Variants in SLC9B1 observed in about 807,000 individuals in gnomAD.
SLC9B1 encodes solute carrier family 9 member B1.
Under a neutral mutation model 51.7 loss-of-function variants are expected in SLC9B1, and 32 were observed. The ratio of observed to expected loss-of-function variants is 0.62; its 90% CI spans 0.47 to 0.83. The LOEUF is 0.83. SLC9B1 is among the 40% of genes least tolerant of loss of function. SLC9B1 has a pLI of 0.00. For synonymous variants in SLC9B1, 145 were observed against 212.7 expected, an observed-to-expected ratio of 0.68 and a Z score of 2.77; for missense variants, 406 against 613.2, an observed-to-expected ratio of 0.66 and a Z score of 3.57.
intron 3 of SLC9B1, among the ~76,000 whole-genome samples, chr4:102,969,603 G>T (rs149668889): frequency 6.6e-6 from 1 of 152,138 alleles, no homozygotes; most frequent in Non-Finnish European, 1.5e-5. Context: ...GGAGCTCCTC[G>T]CCAGCAATGG....
At position 102,933,707 on chromosome 4, in the gene SLC9B1, T is replaced by C. The variant is rs1206906796; in HGVS notation, c.654-1408A>G. On this transcript the variant is annotated intron_variant, in intron 6 of 11. Transcript: ENST00000296422. ...TTCTCCACAGGGCTGCCTCAGGACA[T>C]GGCAGCTGGCTTCCCCAGGAATAAG... Among the ~76,000 whole-genome samples the C allele has an allele frequency of 2.6e-5, 4 of 152,158 alleles. No individual in the cohort carries two copies. In the East Asian group the frequency reaches 5.8e-4, roughly 22 times the overall value.
intron 3 of SLC9B1, among the ~76,000 whole-genome samples, chr4:102,985,425 T>C (rs888884136): frequency 6.6e-6 from 1 of 152,242 alleles, no homozygotes; most frequent in Non-Finnish European, 1.5e-5. Context: ...TTGAGCATTT[T>C]ATATGATTCA....
rs771024975 is a variant in SLC9B1 at position 102,932,257 on chromosome 4, G to T, written c.696C>A (p.Tyr232Ter). ...ATCCATTTTCTTGCAGCACCATCAT[G>T]TAAGGGACAACAACAGCAGGAGAGA... is the stretch of plus-strand genomic sequence containing the variant. ...GAVSPAVVVP[Y>*]MMVLQENGYG... The change falls in exon 7 of 12, where the codon TAC becomes TAA. Residue 232 changes from tyrosine to a stop codon, truncating the protein, a stop_gained. Transcript: ENST00000296422. LOFTEE classifies it high-confidence loss of function. 27 of 1,611,842 alleles carry T rather than the reference G, an allele frequency of 1.7e-5. No homozygotes were observed. Among genetic ancestry groups the T allele is most frequent in the South Asian group, 2.2e-5 (2 of 90,984 alleles).
intron 6 of SLC9B1, among the ~76,000 whole-genome samples, chr4:102,943,855 T>C (rs75435679): frequency 6.6e-6 from 1 of 151,750 alleles, no homozygotes. Flanking sequence ...ATATTTTCCA[T>C]GTAAACAAAC....
chr4:102,900,340 A>G (rs1452192739), downstream of SLC9B1, among the ~76,000 whole-genome samples: 2 of 152,246 alleles, frequency 1.3e-5, no homozygotes, highest in East Asian at 1.9e-4. Flanking sequence ...AGGTAATTCT[A>G]TATTACTAAG....
chr4:103,007,654 G>C (rs996604166), intron 1 of SLC9B1, among the ~76,000 whole-genome samples: 3 of 146,512 alleles, frequency 2.0e-5, no homozygotes, highest in African/African-American at 5.1e-5. Context: ...ACCCAGGCTG[G>C]AGTGCGGTGG....
intron 1 of SLC9B1, among the ~76,000 whole-genome samples, chr4:103,011,170 CA>C (rs1315111193): frequency 3.3e-5 from 5 of 152,164 alleles, no homozygotes; most frequent in African/African-American, 1.2e-4. Context: ...ATTCCCTTTT[CA>C]AAAGGGAGGA....
Position 102,911,630 on chromosome 4 carries a change from A to C in SLC9B1, c.830-93T>G. ...GCAAATCTAGGTGGTTCATGAAGAA[A>C]AGTAAGCATTTTATAGAACAAATAT... On this transcript the variant is annotated intron_variant, in intron 7 of 11. Transcript: ENST00000296422. 1.6e-5 allele frequency: 12 copies of C among 741,196 alleles called. No homozygotes were observed. In the South Asian group the frequency reaches 2.0e-4, roughly 13 times the overall value. 45.9% of individuals were successfully genotyped at this position (741,196 alleles called of 1,614,324 possible).
chr4:102,984,166 A>C (rs1739498426), intron 3 of SLC9B1, among the ~76,000 whole-genome samples: 1 of 151,980 alleles, frequency 6.6e-6, no homozygotes, highest in South Asian at 2.1e-4. Context: ...ACCCACACTG[A>C]AATACAGTGG....
intron 1 of SLC9B1, among the ~76,000 whole-genome samples, chr4:103,005,936 A>T (rs943487674): frequency 1.3e-5 from 2 of 152,188 alleles, no homozygotes; most frequent in African/African-American, 2.4e-5. Flanking sequence ...TCTCTGAGAC[A>T]GGGCTAAAGC....
At chr4:102,910,137 T>C (rs1260687313) in intron 9 of SLC9B1, among the ~76,000 whole-genome samples, 2 of 152,110 alleles carry the variant, frequency 1.3e-5, no homozygotes, top group Non-Finnish European at 2.9e-5. Context: ...TTTTCATGGA[T>C]TAATTGTATA....
At chr4:102,970,352 G>T (rs1336237422) in intron 3 of SLC9B1, among the ~76,000 whole-genome samples, 2 of 152,160 alleles carry the variant, frequency 1.3e-5, no homozygotes, top group Admixed American at 6.6e-5. Context: ...TTAAAGAAAA[G>T]AATTTTCAAC....
At chr4:102,923,399 G>A (rs1418513332) in intron 7 of SLC9B1, among the ~76,000 whole-genome samples, 1 of 152,146 alleles carries the variant, frequency 6.6e-6, no homozygotes, top group Non-Finnish European at 1.5e-5. Flanking sequence ...ACTAGGTATT[G>A]ATGGGACGTA....
chr4:102,938,212 T>TA (rs1302892207), intron 6 of SLC9B1, among the ~76,000 whole-genome samples: 4 of 151,968 alleles, frequency 2.6e-5, no homozygotes, highest in African/African-American at 9.7e-5. Context: ...CAAAAAAGGG[T>TA]AAGCATTGTT....
chr4:102,968,577 T>C (rs1208610946), intron 3 of SLC9B1, among the ~76,000 whole-genome samples: 1 of 152,234 alleles, frequency 6.6e-6, no homozygotes, highest in African/African-American at 2.4e-5. Context: ...GATGGCCGAA[T>C]AGGAACAGCT....
chr4:102,960,531 G>T (rs1196422874), intron 3 of SLC9B1, among the ~76,000 whole-genome samples: 2 of 152,048 alleles, frequency 1.3e-5, no homozygotes, highest in East Asian at 3.8e-4. Context: ...GGTGAGGTTT[G>T]TACATTTTAG....
downstream of SLC9B1, chr4:102,897,459 G>A (rs185173903): frequency 0.01 from 1,888 of 185,194 alleles, 18 homozygotes; most frequent in Non-Finnish European, 0.014. Flanking sequence ...GCAATGAAGA[G>A]CACCAGGCTC....
At chr4:102,898,524 A>G (rs1274574453), downstream of SLC9B1, among the ~76,000 whole-genome samples, 3 of 152,246 alleles carry the variant, frequency 2.0e-5, no homozygotes, top group Non-Finnish European at 4.4e-5. Context: ...AAAGTATAAA[A>G]ATTTAAAGCA....
chr4:102,911,165 A>C (rs2110432839), intron 8 of SLC9B1, among the ~76,000 whole-genome samples: 1 of 152,316 alleles, frequency 6.6e-6, no homozygotes. Context: ...TTAGTAGAGA[A>C]AGGGAAAGTA....
Sources: gnomAD v4.1 joint callset for allele counts (sites outside exome capture counted in the v4.1 genomes callset) on GRCh38, gnomAD v4.1.1 for gene constraint, MANE v1.5 for transcripts, NCBI Gene and HGNC (gene_info 2026-07-23, HGNC 2026-07-21) for gene names.